The following CMTM8 variants were observed in gnomAD, a reference collection of about 807,000 sequenced individuals.
The protein encoded by CMTM8 is CKLF like MARVEL transmembrane domain containing 8.
In CMTM8, 12 loss-of-function variants were observed where a neutral mutation model predicts 18.6. That is an observed-to-expected ratio of 0.65 (90% CI 0.41 to 1.05). CMTM8 has a LOEUF of 1.05. Ranked by LOEUF, CMTM8 falls within the 50% of genes least tolerant of loss-of-function variation. CMTM8 has a pLI of 0.00. For synonymous variants in CMTM8, 87 were observed against 90.6 expected, an observed-to-expected ratio of 0.96 and a Z score of 0.23; for missense variants, 217 against 227.2, an observed-to-expected ratio of 0.95 and a Z score of 0.29.
chr3:32,342,116 C>T (rs1328194896), intron 1 of CMTM8, among the ~76,000 whole-genome samples: 2 of 151,930 alleles, frequency 1.3e-5, no homozygotes, highest in Non-Finnish European at 2.9e-5. Context: ...GGCGTGGTGG[C>T]ATGCGCTTGT....
chr3:32,316,017 CTTTTTTTTTTTTT>C (rs150112865), intron 1 of CMTM8, among the ~76,000 whole-genome samples: 5 of 65,038 alleles, frequency 7.7e-5, no homozygotes, highest in African/African-American at 1.2e-4. Flanking sequence ...GTGATTCCAC[CTTTTTTTTTTTTT>C]TTTTTTTTTT....
chr3:32,356,166 T>C (rs889293809), intron 1 of CMTM8, among the ~76,000 whole-genome samples: 5 of 152,226 alleles, frequency 3.3e-5, no homozygotes, highest in African/African-American at 1.2e-4. Flanking sequence ...AGGAAATCTG[T>C]CTTCCGAGCC....
chr3:32,258,665 A>G (rs765109712), intron 1 of CMTM8, among the ~76,000 whole-genome samples: 14 of 152,084 alleles, frequency 9.2e-5, no homozygotes, highest in Middle Eastern at 3.4e-3. Context: ...ATGTGCCACC[A>G]TGCCTGGCTG....
intron 1 of CMTM8, among the ~76,000 whole-genome samples, chr3:32,250,368 A>G (rs747517975): frequency 2.0e-5 from 3 of 152,162 alleles, no homozygotes; most frequent in Admixed American, 6.5e-5. Flanking sequence ...TGCATTTCCA[A>G]ATAAATTTTA....
At chr3:32,267,113 A>G (rs1282937189) in intron 1 of CMTM8, among the ~76,000 whole-genome samples, 3 of 152,152 alleles carry the variant, frequency 2.0e-5, no homozygotes, top group African/African-American at 7.2e-5. Flanking sequence ...TAAAGTTCAT[A>G]TGGAACCAAA....
Position 32,307,232 on chromosome 3 carries a change from C to T in CMTM8, c.148-50141C>T, listed in dbSNP as rs765531528. On this transcript the variant is annotated intron_variant, in intron 1 of 3. Coordinates refer to ENST00000307526, the MANE Select transcript of CMTM8 (RefSeq NM_178868.5). The stretch of plus-strand genomic sequence containing the variant: ...GTGGATGCCTGTAATCCCAGCTACT[C>T]GGGAGGCTGAGGCAAGAGAATCACT... 6.6e-5 allele frequency among the ~76,000 whole-genome samples: 10 copies of T among 152,024 alleles called. 1 individual carries two copies. The highest frequency in any genetic ancestry group is 1.2e-4 in the Non-Finnish European group (8 of 68,008).
chr3:32,361,937 T>C (rs965558727), intron 2 of CMTM8, among the ~76,000 whole-genome samples: 1 of 152,210 alleles, frequency 6.6e-6, no homozygotes, highest in Non-Finnish European at 1.5e-5. Context: ...TTCCTGAGGA[T>C]TCGTCCTCTG....
At chr3:32,259,528 G>A (rs879922608) in intron 1 of CMTM8, 14 of 788,482 alleles carry the variant, frequency 1.8e-5, no homozygotes, top group Non-Finnish European at 3.0e-5. Context: ...TCACTCGGCT[G>A]CAGCTGGAGA....
chr3:32,260,040 A>G, intron 1 of CMTM8: 3 of 1,147,988 alleles, frequency 2.6e-6, no homozygotes, highest in Non-Finnish European at 3.8e-6. Flanking sequence ...GCCCTGCTGA[A>G]CATCAAGGTC....
chr3:32,295,732 C>T (rs1053451163), intron 1 of CMTM8, among the ~76,000 whole-genome samples: 2 of 152,094 alleles, frequency 1.3e-5, no homozygotes, highest in African/African-American at 4.8e-5. Flanking sequence ...CTCCCCTCTG[C>T]TTAAACCCCT....
intron 1 of CMTM8, among the ~76,000 whole-genome samples, chr3:32,354,331 T>TCC (rs1696770795): frequency 6.6e-6 from 1 of 152,200 alleles, no homozygotes; most frequent in African/African-American, 2.4e-5. Context: ...CTTCTTGATA[T>TCC]ATTTCAGTTA....
intron 1 of CMTM8, among the ~76,000 whole-genome samples, chr3:32,276,992 C>T (rs565752754): frequency 6.6e-6 from 1 of 151,780 alleles, no homozygotes; most frequent in Non-Finnish European, 1.5e-5. Context: ...TCAAGGAATC[C>T]TCTTGCCTCG....
At chr3:32,320,305 C>T (rs375290751) in intron 1 of CMTM8, among the ~76,000 whole-genome samples, 94 of 152,202 alleles carry the variant, frequency 6.2e-4, no homozygotes, top group African/African-American at 2.1e-3. Context: ...TTAAAAAGAT[C>T]GAAGCACTGT....
chr3:32,341,823 G>A (rs1442516268), intron 1 of CMTM8, among the ~76,000 whole-genome samples: 1 of 152,130 alleles, frequency 6.6e-6, no homozygotes, highest in Non-Finnish European at 1.5e-5. Context: ...GTTGCAGTGA[G>A]CCAAGGTTGC....
chr3:32,294,382 C>T (rs1045247493), intron 1 of CMTM8, among the ~76,000 whole-genome samples: 70 of 152,300 alleles, frequency 4.6e-4, no homozygotes, highest in African/African-American at 1.6e-3. Context: ...AAACGTTTTC[C>T]GATTATGCTT....
chr3:32,298,942 T>TAC (rs1695550324), intron 1 of CMTM8, among the ~76,000 whole-genome samples: 1 of 107,366 alleles, frequency 9.3e-6, no homozygotes, highest in African/African-American at 3.8e-5. Context: ...TATATATATG[T>TAC]ATATATATAT....
chr3:32,264,595 A>T (rs973694357), intron 1 of CMTM8, among the ~76,000 whole-genome samples: 1 of 152,216 alleles, frequency 6.6e-6, no homozygotes, highest in Non-Finnish European at 1.5e-5. Context: ...AAATTCACAC[A>T]TAACAATATT....
chr3:32,345,064 G>A (rs917231243), intron 1 of CMTM8, among the ~76,000 whole-genome samples: 1 of 152,160 alleles, frequency 6.6e-6, no homozygotes, highest in Admixed American at 6.5e-5. Flanking sequence ...TTCAGGCTGG[G>A]CATGGTGGCT....
At chr3:32,238,574 T>C (rs893454283), upstream of CMTM8, 52 of 155,422 alleles carry the variant, frequency 3.3e-4, no homozygotes, top group Admixed American at 3.4e-3. Flanking sequence ...CCGCTGGGAG[T>C]CGGGCAACAG....
Sources: gnomAD v4.1 joint callset for allele counts (sites outside exome capture counted in the v4.1 genomes callset) on GRCh38, gnomAD v4.1.1 for gene constraint, MANE v1.5 for transcripts, NCBI Gene and HGNC (gene_info 2026-07-23, HGNC 2026-07-21) for gene names.